Variants in CNR2 observed in about 807,000 individuals in gnomAD.
The protein encoded by CNR2 is cannabinoid receptor 2 (macrophage).
For synonymous variants in CNR2, 172 were observed against 182.2 expected, an observed-to-expected ratio of 0.94 and a Z score of 0.45; for missense variants, 379 against 439.9, an observed-to-expected ratio of 0.86 and a Z score of 1.24.
chr1:23,876,308 G>A (rs1639873354), intron 1 of CNR2, among the ~76,000 whole-genome samples: 1 of 151,716 alleles, frequency 6.6e-6, no homozygotes, highest in Non-Finnish European at 1.5e-5. Flanking sequence ...CCAGGCACAA[G>A]AGATTCTCCT....
chr1:23,892,565 C>T (rs1640207971), intron 1 of CNR2, among the ~76,000 whole-genome samples: 1 of 152,166 alleles, frequency 6.6e-6, no homozygotes, highest in Non-Finnish European at 1.5e-5. Flanking sequence ...CCTTGGCTGC[C>T]AGCAAGCCCA....
chr1:23,906,226 AC>A (rs1640483921), intron 1 of CNR2, among the ~76,000 whole-genome samples: 3 of 151,450 alleles, frequency 2.0e-5, no homozygotes, highest in Admixed American at 2.0e-4. Context: ...CACTGTACCC[AC>A]CTCCTGCCCC....
At chr1:23,879,661 G>A (rs1639945236) in intron 1 of CNR2, among the ~76,000 whole-genome samples, 1 of 152,026 alleles carries the variant, frequency 6.6e-6, no homozygotes, top group African/African-American at 2.4e-5. Flanking sequence ...TGACAAAAAT[G>A]CAAGACAAGA....
rs1228626421 is a variant in CNR2 at position 23,901,385 on chromosome 1, G to A, written c.-46+11861C>T. ...ATGCCAAAGAGAGACAAGGTTAAGT[G>A]TGGCCTTTCATGGTGTCAAGAAGCA... is the stretch of plus-strand genomic sequence containing the variant. On this transcript the variant is annotated intron_variant, in intron 1 of 1. Coordinates refer to ENST00000374472, the MANE Select transcript of CNR2 (RefSeq NM_001841.3). 21 of 1,170,374 alleles carry A rather than the reference G, an allele frequency of 1.8e-5. 1 individual carries two copies. In the South Asian group the frequency reaches 3.4e-4, roughly 19 times the overall value. The allele number at this position is 1,170,374 out of a possible 1,614,324, so 72.5% of individuals were successfully genotyped here.
At position 23,898,821 on chromosome 1, in the gene CNR2, T is replaced by G. The variant is rs1640334467; in HGVS notation, c.-46+14425A>C. Among the ~76,000 whole-genome samples the G allele has an allele frequency of 1.3e-5, 2 of 151,598 alleles. 1 individual carries two copies. Among genetic ancestry groups the G allele is most frequent in the South Asian group, 4.2e-4 (2 of 4,808 alleles). ...ATGTGCACCACCATGCCCAGCTAAT[T>G]TTTGTATTTTTAGTAGAGACGGGGT... On this transcript the variant is annotated intron_variant, in intron 1 of 1. Coordinates refer to ENST00000374472, the MANE Select transcript of CNR2 (RefSeq NM_001841.3).
intron 1 of CNR2, among the ~76,000 whole-genome samples, chr1:23,883,983 T>C (rs1640036074): frequency 6.6e-6 from 1 of 152,114 alleles, no homozygotes; most frequent in African/African-American, 2.4e-5. Context: ...TTTTAGAGAA[T>C]CTGGAGGGAT....
At position 23,875,458 on chromosome 1, in the gene CNR2, C is replaced by T. The variant is rs1279905726; in HGVS notation, c.160G>A (p.Val54Met). The T allele has an allele frequency of 2.5e-6, 4 of 1,614,118 alleles. No individual in the cohort carries two copies. The highest frequency in any genetic ancestry group is 3.4e-6 in the Non-Finnish European group (4 of 1,180,046). Residue 54 changes from valine to methionine, a missense_variant, in exon 2 of 2, where the codon GTG becomes ATG. Physicochemically the swap from Val to Met is conservative, Grantham distance 21 (BLOSUM62 1). Coordinates refer to ENST00000374472, the MANE Select transcript of CNR2 (RefSeq NM_001841.3). ...GLLSALENVA[V>M]LYLILSSHQL... ...TGGGAGGACAGGATCAGATAGAGCA[C>T]AGCCACGTTCTCCAGGGCACTTAGC...
rs376013451 is a variant in CNR2 at position 23,874,874 on chromosome 1, C to T, written c.744G>A (p.Gly248=). 6.2e-7 allele frequency: 1 copy of T among 1,614,156 alleles called. No homozygotes were observed. Among genetic ancestry groups the T allele is most frequent in the Non-Finnish European group, 8.5e-7 (1 of 1,180,000 alleles). Residue 248 remains glycine, a synonymous_variant, in exon 2 of 2, where the codon GGG becomes GGA. Transcript: ENST00000374472. ...RLDVRLAKTL[G]LVLAVLLICW... is the part of the protein sequence containing the mutation. ...AGATGAGGAGCACAGCCAACACTAG[C>T]CCTAGGGTCTTGGCCAACCTCACAT...
chr1:23,874,799 G>A lies in CNR2; in HGVS notation c.819C>T (p.Leu273=), dbSNP rs1355246357. 1 of 1,614,052 alleles carries A rather than the reference G, an allele frequency of 6.2e-7. No homozygotes were observed. The highest frequency in any genetic ancestry group is 8.5e-7 in the Non-Finnish European group (1 of 1,179,996). The change falls in exon 2 of 2, where the codon CTC becomes CTT. Residue 273 remains leucine (L), a synonymous_variant. Transcript: ENST00000374472. ...ALMAHSLATT[L]SDQVKKAFAF... is the part of the protein sequence containing the mutation. Reference sequence around the variant, plus strand: ...CAAAGGCCTTCTTGACCTGGTCACTGAGCGTAGTGGCCAGGCTGTGGGCCA... The same window carrying A: ...CAAAGGCCTTCTTGACCTGGTCACTAAGCGTAGTGGCCAGGCTGTGGGCCA...
intron 1 of CNR2, chr1:23,901,739 A>C (rs1570719992): frequency 2.1e-6 from 3 of 1,424,812 alleles, no homozygotes; most frequent in Non-Finnish European, 3.0e-6. Flanking sequence ...CTGAGCCAGA[A>C]CTACCCCAAG....
intron 1 of CNR2, among the ~76,000 whole-genome samples, 164 bp downstream of exon 1, chr1:23,913,082 G>A (rs1236353911): frequency 8.0e-5 from 3 of 37,674 alleles, no homozygotes; most frequent in Admixed American, 4.2e-4. Flanking sequence ...CAGGAGAATC[G>A]CTTGAACCTG....
chr1:23,907,981 C>CTTTGTT (rs1640524479), intron 1 of CNR2: 1 of 79,290 alleles, frequency 1.3e-5, no homozygotes, highest in Non-Finnish European at 2.2e-5. Flanking sequence ...CTAACTACTG[C>CTTTGTT]TTTTTTTTTT....
chr1:23,911,965 C>A (rs986641746), intron 1 of CNR2, among the ~76,000 whole-genome samples: 1 of 152,138 alleles, frequency 6.6e-6, no homozygotes, highest in Non-Finnish European at 1.5e-5. Flanking sequence ...CAGGGAAAAG[C>A]AGCCAGGCCT....
chr1:23,900,624 A>G (rs955019679), intron 1 of CNR2, among the ~76,000 whole-genome samples: 2 of 150,636 alleles, frequency 1.3e-5, no homozygotes, highest in Non-Finnish European at 2.9e-5. Flanking sequence ...CTCTTGCCTC[A>G]GCCTCCCAAG....
chr1:23,900,185 G>T (rs191003317), intron 1 of CNR2, among the ~76,000 whole-genome samples: 2 of 151,868 alleles, frequency 1.3e-5, no homozygotes, highest in Non-Finnish European at 2.9e-5. Flanking sequence ...CTGACTCAGC[G>T]CAAGAGGACA....
chr1:23,897,544 G>A (rs530905221), intron 1 of CNR2, among the ~76,000 whole-genome samples: 3 of 150,620 alleles, frequency 2.0e-5, no homozygotes, highest in African/African-American at 7.4e-5. Context: ...GTGCGATCTC[G>A]GTTCAATGCA....
chr1:23,903,891 G>A (rs1265992560), intron 1 of CNR2, among the ~76,000 whole-genome samples: 5 of 152,208 alleles, frequency 3.3e-5, no homozygotes, highest in African/African-American at 1.2e-4. Context: ...AAAGGGCAGA[G>A]CCCGATGTGA....
intron 1 of CNR2, among the ~76,000 whole-genome samples, chr1:23,879,994 G>T (rs751764367): frequency 6.6e-6 from 1 of 152,098 alleles, no homozygotes; most frequent in Non-Finnish European, 1.5e-5. Context: ...AGCCACATTG[G>T]CTTCTTAATC....
At chr1:23,913,035 T>C (rs1296129963) in intron 1 of CNR2, among the ~76,000 whole-genome samples, 1 of 152,034 alleles carries the variant, frequency 6.6e-6, no homozygotes, top group Non-Finnish European at 1.5e-5. Context: ...GACGCAGTAG[T>C]GCACACCTGT....
Sources: allele counts gnomAD v4.1 joint callset (sites outside exome capture counted in the v4.1 genomes callset), GRCh38; gene constraint gnomAD v4.1.1; transcripts MANE v1.5; gene names NCBI Gene and HGNC (gene_info 2026-07-23, HGNC 2026-07-21).